CFI: variants seen among roughly 807,000 people sequenced by gnomAD.
The protein encoded by CFI is complement factor I, also known as C3B/C4B inactivator.
In CFI, 66 loss-of-function variants were observed where a neutral mutation model predicts 78.8. That is an observed-to-expected ratio of 0.84 (90% CI 0.69 to 1.03). The LOEUF (loss-of-function observed/expected upper bound fraction) is 1.03, where lower values mean the gene tolerates loss of function less well. CFI is among the 50% of genes least tolerant of loss of function. The pLI, the probability that CFI is intolerant of heterozygous loss-of-function variation, is 0.00. For missense variants in CFI, 706 were observed against 704.5 expected (o/e 1.00, Z -0.02); for synonymous variants, 250 against 232.6 (o/e 1.07, Z -0.68).
chr4:109,759,989 C>T, intron 6 of CFI: 1 of 549,730 alleles, frequency 1.8e-6, no homozygotes, highest in South Asian at 1.8e-5. Flanking sequence ...CTATCAATAA[C>T]TTGCAGGTGG....
At chr4:109,779,571 T>C (rs1312825672) in intron 1 of CFI, among the ~76,000 whole-genome samples, 1 of 152,166 alleles carries the variant, frequency 6.6e-6, no homozygotes, top group Non-Finnish European at 1.5e-5. Context: ...AGGTAATTTA[T>C]AGATTCAATG....
intron 6 of CFI, 116 bp from the exon 7 acceptor site, chr4:109,757,899 T>C: frequency 1.5e-6 from 2 of 1,377,834 alleles, no homozygotes; most frequent in Non-Finnish European, 2.0e-6. Flanking sequence ...TCTGTTTTCT[T>C]CGGTAATATA....
At chr4:109,752,962 T>TAA (rs1344687892) in intron 7 of CFI, among the ~76,000 whole-genome samples, 4,909 of 41,028 alleles carry the variant, frequency 0.12, 1,625 homozygotes, top group Non-Finnish European at 0.17. Context: ...TACATATTTA[T>TAA]TATATATTTA....
Position 109,801,907 on chromosome 4 carries a change from T to C in CFI, c.57+8A>G. 6.3e-7 allele frequency: 1 copy of C among 1,592,258 alleles called. No individual in the cohort carries two copies. The highest frequency in any genetic ancestry group is 8.6e-7 in the Non-Finnish European group (1 of 1,160,996). ...TAAAATTGTTTGCATAAAGGTTGAA[T>C]TACTTACCTTGCAAAACCTTAAGTG... is the stretch of plus-strand genomic sequence containing the variant. On this transcript the variant is annotated splice_region_variant and intron_variant, in intron 1 of 12. Coordinates refer to ENST00000394634, the MANE Select transcript of CFI (RefSeq NM_000204.5).
intron 1 of CFI, among the ~76,000 whole-genome samples, chr4:109,780,599 C>T (rs1161616580): frequency 6.6e-6 from 1 of 152,110 alleles, no homozygotes; most frequent in African/African-American, 2.4e-5. Context: ...CGATTCCTCA[C>T]AGATCTAGAA....
chr4:109,770,503 C>T (rs568354296), intron 1 of CFI, among the ~76,000 whole-genome samples: 3 of 146,004 alleles, frequency 2.1e-5, no homozygotes, highest in African/African-American at 2.7e-5. Flanking sequence ...TTGCAGTGAG[C>T]GGAGACCGCA....
intron 1 of CFI, among the ~76,000 whole-genome samples, chr4:109,783,834 T>TATATATATATATATATA (rs57344652): frequency 5.4e-4 from 76 of 139,696 alleles, no homozygotes; most frequent in Non-Finnish European, 6.7e-4. Context: ...TATATATATA[T>TATATATATATATATATA]GATGGAATAC....
intron 8 of CFI, among the ~76,000 whole-genome samples, chr4:109,751,033 A>T (rs1725068626): frequency 6.6e-6 from 1 of 152,290 alleles, no homozygotes; most frequent in Admixed American, 6.5e-5. Flanking sequence ...GAGAACTAGC[A>T]CAAGGATCCA....
intron 6 of CFI, among the ~76,000 whole-genome samples, chr4:109,759,266 AAT>A (rs1440238337): frequency 3.5e-5 from 1 of 28,352 alleles, no homozygotes; most frequent in African/African-American, 6.3e-5. Context: ...AAAAAAAAAA[AAT>A]AATAATAGTA....
chr4:109,784,823 T>C (rs1730536698), intron 1 of CFI, among the ~76,000 whole-genome samples: 1 of 152,056 alleles, frequency 6.6e-6, no homozygotes, highest in African/African-American at 2.4e-5. Flanking sequence ...TTGTCAGGCC[T>C]CTGAGCCCAA....
At chr4:109,750,003 T>C (rs999926378) in intron 8 of CFI, among the ~76,000 whole-genome samples, 7 of 151,920 alleles carry the variant, frequency 4.6e-5, no homozygotes, top group African/African-American at 1.7e-4. Flanking sequence ...TTTCTTTCTT[T>C]CTTTTTTTTT....
chr4:109,780,919 T>C (rs1729934400), intron 1 of CFI, among the ~76,000 whole-genome samples: 1 of 152,168 alleles, frequency 6.6e-6, no homozygotes, highest in African/African-American at 2.4e-5. Flanking sequence ...ACACCGCATG[T>C]TCTCACTCAC....
chr4:109,799,250 T>C (rs906672393), intron 1 of CFI, among the ~76,000 whole-genome samples: 1 of 152,234 alleles, frequency 6.6e-6, no homozygotes, highest in Non-Finnish European at 1.5e-5. Context: ...ACAGCTGAGA[T>C]TGCTCATTAA....
rs138703977 is a variant in CFI at position 109,747,971 on chromosome 4, G to A, written c.1148+1247C>T. Among the ~76,000 whole-genome samples the A allele has an allele frequency of 2.6e-5, 4 of 152,236 alleles. No individual in the cohort carries two copies. The East Asian group carries it at 7.7e-4, about 29-fold the overall frequency. On this transcript the variant is annotated intron_variant, in intron 10 of 12. Transcript: ENST00000394634. ...CAGGAGGTGGAGCTCAGGTGGTAAT[G>A]CTCGCCCACCACTCACCTCAGTTCC...
intron 7 of CFI, among the ~76,000 whole-genome samples, chr4:109,755,324 A>G (rs571198122): frequency 6.6e-6 from 1 of 152,318 alleles, no homozygotes; most frequent in Admixed American, 6.5e-5. Context: ...AAGGACTGGT[A>G]TATAACAGCA....
At chr4:109,793,087 C>T (rs1731584611) in intron 1 of CFI, among the ~76,000 whole-genome samples, 1 of 151,940 alleles carries the variant, frequency 6.6e-6, no homozygotes, top group African/African-American at 2.4e-5. Context: ...TTTTCATATT[C>T]AACTATTTCA....
At chr4:109,765,373 T>C (rs142283428) in intron 2 of CFI, among the ~76,000 whole-genome samples, 111 of 152,340 alleles carry the variant, frequency 7.3e-4, no homozygotes, top group African/African-American at 2.6e-3. Context: ...CAGAAGACAA[T>C]GAACCTAAGC....
downstream of CFI, among the ~76,000 whole-genome samples, chr4:109,740,214 C>T (rs961724263): frequency 1.3e-5 from 2 of 151,872 alleles, no homozygotes; most frequent in Admixed American, 1.3e-4. Context: ...TTGCTTGAGC[C>T]CAGGAGTTCA....
At chr4:109,752,882 A>G (rs1193816216) in intron 7 of CFI, among the ~76,000 whole-genome samples, 5 of 108,502 alleles carry the variant, frequency 4.6e-5, no homozygotes, top group Non-Finnish European at 9.8e-5. Flanking sequence ...ATAAAATATT[A>G]TATAATATAT....
Sources: gnomAD v4.1 joint callset for allele counts (sites outside exome capture counted in the v4.1 genomes callset) on GRCh38, gnomAD v4.1.1 for gene constraint, MANE v1.5 for transcripts, NCBI Gene and HGNC (gene_info 2026-07-23, HGNC 2026-07-21) for gene names.